TAF1: variants seen among roughly 807,000 people sequenced by gnomAD.
TAF1 encodes the protein transcription initiation factor TFIID subunit 1.
TAF1 carries 2 observed loss-of-function variants against 138.5 expected under a neutral mutation model. The ratio of observed to expected loss-of-function variants is 0.01; its 90% CI spans 0.01 to 0.05. TAF1 has a LOEUF of 0.05. Ranked by LOEUF, TAF1 falls within the 10% of genes least tolerant of loss-of-function variation. TAF1 has a pLI of 1.00. For synonymous variants in TAF1, 437 were observed against 503.2 expected, an observed-to-expected ratio of 0.87 and a Z score of 1.76; for missense variants, 709 against 1,478.0, an observed-to-expected ratio of 0.48 and a Z score of 8.53.
intron 28 of TAF1, among the ~76,000 whole-genome samples, chrX:71,409,171 C>G (rs1263264814): frequency 9.0e-6 from 1 of 110,802 alleles, no homozygotes; most frequent in Non-Finnish European, 1.9e-5. Flanking sequence ...GCTGAGAAGA[C>G]AAAGAGGAAG....
Position 71,464,130 on chromosome X carries a change from C to T in TAF1, c.*84C>T. ...TTTCCCCAATTTGTTCATATTTGTA[C>T]AGTATCTGATCCTGAAATCATGAAA... On this transcript the variant is annotated 3_prime_UTR_variant, in exon 38 of 38. Transcript: ENST00000423759. The T allele has an allele frequency of 2.3e-6, 2 of 873,146 alleles. No homozygotes were observed. The highest frequency in any genetic ancestry group is 3.2e-6 in the Non-Finnish European group (2 of 617,383). The allele number at this position is 873,146 out of a possible 1,213,427, so 72.0% of individuals were successfully genotyped here. A position where few individuals can be genotyped will look rare whatever the true frequency, so the allele number is the denominator to read the frequency against.
At chrX:71,370,801 T>C (rs2033000160) in intron 3 of TAF1, among the ~76,000 whole-genome samples, 1 of 112,275 alleles carries the variant, frequency 8.9e-6, no homozygotes, top group Non-Finnish European at 1.9e-5. Context: ...GTGCTACTTA[T>C]ATGAAAAGAA....
chrX:71,421,590 T>G (rs1407737311), intron 29 of TAF1, among the ~76,000 whole-genome samples: 2 of 112,024 alleles, frequency 1.8e-5, no homozygotes, highest in Non-Finnish European at 3.8e-5. Flanking sequence ...GTATTTGCTC[T>G]GGACATCTTG....
intron 13 of TAF1, among the ~76,000 whole-genome samples, 159 bp downstream of exon 13, chrX:71,384,294 T>C (rs1329679242): frequency 8.9e-6 from 1 of 112,095 alleles, no homozygotes; most frequent in African/African-American, 3.2e-5. Flanking sequence ...TAGTTAGAGA[T>C]CTACTGGTAA....
intron 8 of TAF1, among the ~76,000 whole-genome samples, chrX:71,380,224 T>C (rs2033793637): frequency 9.0e-6 from 1 of 110,905 alleles, no homozygotes; most frequent in Non-Finnish European, 1.9e-5. Flanking sequence ...TTTCATTTTT[T>C]ATTTTTCATT....
At chrX:71,429,689 A>G (rs1194335665) in intron 32 of TAF1, among the ~76,000 whole-genome samples, 2 of 110,952 alleles carry the variant, frequency 1.8e-5, no homozygotes, top group Non-Finnish European at 3.8e-5. Flanking sequence ...AATAAGACAG[A>G]GACCGGTAAA....
intron 13 of TAF1, among the ~76,000 whole-genome samples, chrX:71,523,749 A>G (rs531558558): frequency 2.7e-5 from 3 of 111,763 alleles, no homozygotes; most frequent in South Asian, 3.7e-4. Flanking sequence ...ACATGATACA[A>G]TGGGATTCAG....
At chrX:71,435,541 G>A (rs776289733) in intron 32 of TAF1, among the ~76,000 whole-genome samples, 2 of 112,084 alleles carry the variant, frequency 1.8e-5, no homozygotes, top group Non-Finnish European at 3.8e-5. Context: ...TCAGCAGAAA[G>A]CCAGGGACAA....
chrX:71,402,565 C>T (rs2035236959), intron 25 of TAF1, among the ~76,000 whole-genome samples: 1 of 112,088 alleles, frequency 8.9e-6, no homozygotes, highest in African/African-American at 3.2e-5. Context: ...AAGGACCATC[C>T]CAAAAGATGG....
intron 28 of TAF1, chrX:71,419,968 T>A: frequency 1.2e-5 from 3 of 250,870 alleles, no homozygotes; most frequent in Non-Finnish European, 2.2e-5. Context: ...TTTAAAAAAA[T>A]ACTTTTTTCC....
intron 32 of TAF1, among the ~76,000 whole-genome samples, chrX:71,432,673 T>A (rs1382464461): frequency 2.7e-5 from 3 of 110,839 alleles, no homozygotes; most frequent in African/African-American, 9.8e-5. Context: ...AAAAAAAAAA[T>A]TATTGAAGTT....
chrX:71,391,206 T>G (rs1292896455), intron 18 of TAF1, among the ~76,000 whole-genome samples: 3 of 111,409 alleles, frequency 2.7e-5, no homozygotes, highest in Non-Finnish European at 5.6e-5. Context: ...AACTTGAGGT[T>G]CATGAAAAAG....
In TAF1 at chrX:71,378,406, C is replaced by T. The variant is rs1265694938; in HGVS notation, c.1105C>T (p.Leu369=). The change falls in exon 7 of 38, where the codon CTG becomes TTG. Residue 369 remains leucine, a synonymous_variant. Coordinates refer to ENST00000423759, the MANE Select transcript of TAF1 (RefSeq NM_004606.5). ...CAGTGGGTTTGACTATGGCTTCAAACTGAGAAAGACAGAACATGAACCTGT... is the reference window on the plus strand; with the variant it reads ...CAGTGGGTTTGACTATGGCTTCAAATTGAGAAAGACAGAACATGAACCTGT... ...DGSGFDYGFK[L]RKTEHEPVIK... 8.3e-7 allele frequency: 1 copy of T among 1,210,388 alleles called. No homozygotes were observed. Among genetic ancestry groups the T allele is most frequent in the East Asian group, 3.0e-5 (1 of 33,798 alleles).
At chrX:71,394,283 A>G (rs754575233) in intron 22 of TAF1, 38 bp downstream of exon 22, 1 of 1,159,519 alleles carries the variant, frequency 8.6e-7, no homozygotes, top group South Asian at 2.1e-5. Flanking sequence ...AAAAAAGAGA[A>G]GGGTTAAAAA....
Position 71,366,436 on chromosome X carries a change from T to G in TAF1, c.62T>G (p.Phe21Cys). The part of the protein sequence containing the change: ...AGGGPFSLAG[F>C]LFGNINGAGQ... Reference sequence around the variant, plus strand: ...GGCGGCCCATTTTCTTTAGCGGGTTTCCTTTTCGGCAACATCAATGGAGCC... The same window carrying G: ...GGCGGCCCATTTTCTTTAGCGGGTTGCCTTTTCGGCAACATCAATGGAGCC... Residue 21 changes from phenylalanine to cysteine, a missense_variant, in exon 1 of 38, where the codon TTC becomes TGC. Coordinates refer to ENST00000423759, the MANE Select transcript of TAF1 (RefSeq NM_004606.5). The G allele has an allele frequency of 8.4e-7, 1 of 1,188,287 alleles. No individual in the cohort carries two copies. Among genetic ancestry groups the G allele is most frequent in the Non-Finnish European group, 1.1e-6 (1 of 883,641 alleles).
intron 13 of TAF1, among the ~76,000 whole-genome samples, chrX:71,499,992 TG>T (rs2147568438): frequency 9.0e-6 from 1 of 111,281 alleles, no homozygotes; most frequent in South Asian, 3.8e-4. Context: ...GTACCCGGGT[TG>T]GGCAAAATTC....
At position 71,456,649 on chromosome X, in the gene TAF1, C is replaced by CTTTTTTTTTTTTTTT. The variant is rs776321706; in HGVS notation, c.4939-1563_4939-1549dup. On this transcript the variant is annotated intron_variant, in intron 34 of 37. Coordinates refer to ENST00000423759, the MANE Select transcript of TAF1 (RefSeq NM_004606.5). ...ATGGTGGTGGTCAATAATGTATTTT[C>CTTTTTTTTTTTTTTT]TTTTTTTTTTTTTTTTTTTTTTTTT... Among the ~76,000 whole-genome samples, 13 of 26,827 alleles carry CTTTTTTTTTTTTTTT rather than the reference C, an allele frequency of 4.8e-4. 3 individuals carry two copies. The highest frequency in any genetic ancestry group is 1.5e-3 in the African/African-American group (9 of 6,185). The allele number at this position is 26,827 out of a possible 115,157, so 23.3% of individuals were successfully genotyped here. A position where few individuals can be genotyped will look rare whatever the true frequency, so the allele number is the denominator to read the frequency against.
rs1240330972 is a variant in TAF1, at chrX:71,454,051, G to C, written c.4754-119G>C. 8.5e-6 allele frequency: 5 copies of C among 588,298 alleles called. No individual in the cohort carries two copies. In the African/African-American group the frequency reaches 1.1e-4, roughly 13 times the overall value. 48.5% of individuals were successfully genotyped at this position (588,298 alleles called of 1,213,427 possible). On this transcript the variant is annotated intron_variant, in intron 32 of 37. Coordinates refer to ENST00000423759, the MANE Select transcript of TAF1 (RefSeq NM_004606.5). The stretch of plus-strand genomic sequence containing the variant: ...CTCTGAAAGTAGAACAAGAGTCCAA[G>C]TTAAAGCTGAGGCATGGTTTTTCTA...
At chrX:71,459,840 C>A (rs2038472511) in intron 36 of TAF1, 132 bp downstream of exon 36, 1 of 1,068,832 alleles carries the variant, frequency 9.4e-7, no homozygotes. Context: ...TATTAATAGA[C>A]CTGAGAGTAC....
Sources: gnomAD v4.1 joint callset for allele counts (sites outside exome capture counted in the v4.1 genomes callset) on GRCh38, gnomAD v4.1.1 for gene constraint, MANE v1.5 for transcripts, NCBI Gene and HGNC (gene_info 2026-07-23, HGNC 2026-07-21) for gene names.